ARIH2: variants seen among roughly 807,000 people sequenced by gnomAD.
ARIH2 encodes the protein ariadne RBR E3 ubiquitin protein ligase 2, also known as E3 ubiquitin-protein ligase ARIH2.
Under a neutral mutation model 79.8 loss-of-function variants are expected in ARIH2, and 12 were observed. That is an observed-to-expected ratio of 0.15 (90% CI 0.10 to 0.24). ARIH2 has a LOEUF of 0.24. ARIH2 is among the 10% of genes least tolerant of loss of function. The pLI, the probability that ARIH2 is intolerant of heterozygous loss-of-function variation, is 1.00. For synonymous variants in ARIH2, 224 were observed against 213.9 expected, an observed-to-expected ratio of 1.05 and a Z score of -0.41; for missense variants, 301 against 618.3, an observed-to-expected ratio of 0.49 and a Z score of 5.44.
intron 3 of ARIH2, among the ~76,000 whole-genome samples, chr3:48,942,232 A>G (rs2088403995): frequency 6.6e-6 from 1 of 151,662 alleles, no homozygotes; most frequent in Admixed American, 6.6e-5. Context: ...TGTATTTTTA[A>G]TAGAAACAGG....
intron 3 of ARIH2, among the ~76,000 whole-genome samples, chr3:48,930,454 G>T (rs962014373): frequency 2.6e-5 from 4 of 152,066 alleles, no homozygotes; most frequent in African/African-American, 9.7e-5. Context: ...CTATACTCCA[G>T]CTTGGGCTAC....
chr3:48,965,963 G>GA (rs35811931), intron 5 of ARIH2, among the ~76,000 whole-genome samples: 101,136 of 150,018 alleles, frequency 0.67, 34,525 homozygotes, highest in East Asian at 0.96. Flanking sequence ...TCCATCAGAA[G>GA]AAAAAAAAAA....
chr3:48,972,887 T>C (rs2092314545), intron 8 of ARIH2, among the ~76,000 whole-genome samples: 1 of 152,156 alleles, frequency 6.6e-6, no homozygotes, highest in Non-Finnish European at 1.5e-5. Context: ...GCTAATTTTT[T>C]CATTTTTTGT....
At chr3:48,928,428 T>C (rs2085923184) in intron 3 of ARIH2, among the ~76,000 whole-genome samples, 1 of 152,226 alleles carries the variant, frequency 6.6e-6, no homozygotes, top group Admixed American at 6.5e-5. Flanking sequence ...TTGGATGTCT[T>C]GTACCTTAGG....
At chr3:48,956,118 C>G (rs1410202502) in intron 3 of ARIH2, among the ~76,000 whole-genome samples, 1 of 151,830 alleles carries the variant, frequency 6.6e-6, no homozygotes, top group East Asian at 1.9e-4. Flanking sequence ...TACTATCAAC[C>G]TAATATGTGT....
intron 3 of ARIH2, among the ~76,000 whole-genome samples, chr3:48,942,381 C>T (rs2088434452): frequency 6.6e-6 from 1 of 152,052 alleles, no homozygotes; most frequent in African/African-American, 2.4e-5. Context: ...TGTTCATTGG[C>T]CATTAGGATA....
chr3:48,943,949 A>G (rs547570832), intron 3 of ARIH2, among the ~76,000 whole-genome samples: 1 of 152,290 alleles, frequency 6.6e-6, no homozygotes, highest in African/African-American at 2.4e-5. Context: ...GCAGGAATGG[A>G]CACAGCTTTT....
chr3:48,966,913 A>C (rs2091838234), intron 5 of ARIH2, among the ~76,000 whole-genome samples: 1 of 152,164 alleles, frequency 6.6e-6, no homozygotes, highest in African/African-American at 2.4e-5. Context: ...TGATTTTGCA[A>C]GCCCAGCCCA....
At chr3:48,971,862 T>C (rs1382747527) in intron 8 of ARIH2, among the ~76,000 whole-genome samples, 3 of 152,376 alleles carry the variant, frequency 2.0e-5, no homozygotes, top group Admixed American at 2.0e-4. Context: ...TGAAATTCTT[T>C]CCCTGGGTAT....
intron 3 of ARIH2, 174 bp downstream of exon 3, chr3:48,927,987 A>C: frequency 1.3e-6 from 1 of 779,314 alleles, no homozygotes; most frequent in Non-Finnish European, 2.0e-6. Flanking sequence ...TTTCTAATAT[A>C]TGCATGTCTA....
intron 3 of ARIH2, among the ~76,000 whole-genome samples, chr3:48,928,578 G>A (rs2085947426): frequency 6.6e-6 from 1 of 152,046 alleles, no homozygotes; most frequent in Admixed American, 6.6e-5. Context: ...TTCATGAATT[G>A]TTACTTGGAT....
At chr3:48,945,116 T>C (rs2088931012) in intron 3 of ARIH2, 1 of 1,289,582 alleles carries the variant, frequency 7.8e-7, no homozygotes, top group African/African-American at 1.5e-5. Flanking sequence ...AAATTGAAAC[T>C]ACCACCTGTA....
rs1233820971 is a variant in ARIH2 at position 48,933,581 on chromosome 3, G to A, written c.255+5768G>A. On this transcript the variant is annotated intron_variant, in intron 3 of 15. Transcript: ENST00000356401. ...TTTTTTTTAGTTGAGACGGACTCTC[G>A]CTGTGTCACCCAGGCTGGAGTGCAG... Among the ~76,000 whole-genome samples the A allele has an allele frequency of 1.1e-4, 14 of 126,054 alleles. No individual in the cohort carries two copies. The East Asian group carries it at 2.5e-3, about 23-fold the overall frequency. 82.7% of individuals were successfully genotyped at this position (126,054 alleles called of 152,430 possible).
At chr3:48,933,233 CGG>C (rs1559731164) in intron 3 of ARIH2, among the ~76,000 whole-genome samples, 4 of 130,250 alleles carry the variant, frequency 3.1e-5, no homozygotes, top group Non-Finnish European at 6.3e-5. Context: ...ACCACATGCC[CGG>C]GTGTGTGTGT....
chr3:48,960,718 C>T (rs2091160068), intron 3 of ARIH2, among the ~76,000 whole-genome samples: 1 of 148,870 alleles, frequency 6.7e-6, no homozygotes, highest in Admixed American at 6.7e-5. Flanking sequence ...GAGCCGAGGT[C>T]ATGCCACTGC....
At chr3:48,955,902 A>G (rs2090514390) in intron 3 of ARIH2, among the ~76,000 whole-genome samples, 1 of 152,158 alleles carries the variant, frequency 6.6e-6, no homozygotes, top group African/African-American at 2.4e-5. Context: ...ATATTATTCT[A>G]GAGTATCATT....
At chr3:48,933,636 G>A (rs1029414528) in intron 3 of ARIH2, among the ~76,000 whole-genome samples, 7 of 143,784 alleles carry the variant, frequency 4.9e-5, no homozygotes, top group Admixed American at 7.3e-5. Context: ...TGCAAGCTCC[G>A]CCTACCGGGT....
intron 3 of ARIH2, among the ~76,000 whole-genome samples, chr3:48,932,043 A>G (rs1471539163): frequency 6.6e-6 from 1 of 152,132 alleles, no homozygotes. Flanking sequence ...TGTCTGGGAC[A>G]CTGGGCTTTT....
intron 5 of ARIH2, 99 bp from the exon 6 acceptor site, chr3:48,967,026 G>A: frequency 7.8e-7 from 1 of 1,283,074 alleles, no homozygotes; most frequent in Non-Finnish European, 1.1e-6. Flanking sequence ...ACTTGTTGCA[G>A]GGTGAGGATC....
Sources: allele counts gnomAD v4.1 joint callset (sites outside exome capture counted in the v4.1 genomes callset), GRCh38; gene constraint gnomAD v4.1.1; transcripts MANE v1.5; gene names NCBI Gene and HGNC (gene_info 2026-07-23, HGNC 2026-07-21).